Variants in RBM17 observed in about 807,000 individuals in gnomAD.
RBM17 encodes splicing factor 45.
Under a neutral mutation model 53.2 loss-of-function variants are expected in RBM17, and 7 were observed. The observed-to-expected ratio is 0.13, with a 90% confidence interval of 0.07 to 0.25. The LOEUF (loss-of-function observed/expected upper bound fraction) is 0.25, where lower values mean the gene tolerates loss of function less well. RBM17 is among the 10% of genes least tolerant of loss of function. The pLI, the probability that RBM17 is intolerant of heterozygous loss-of-function variation, is 1.00. For missense variants in RBM17, 257 were observed against 496.7 expected (o/e 0.52, Z 4.59); for synonymous variants, 167 against 178.1 (o/e 0.94, Z 0.50).
rs75319780 is a variant in RBM17 at position 6,107,076 on chromosome 10, C to T, written c.505+838C>T. On this transcript the variant is annotated intron_variant, in intron 5 of 11. Coordinates refer to ENST00000379888, the MANE Select transcript of RBM17 (RefSeq NM_032905.5). ...AAAGGAAATAGAAGAAGGTTTTACT[C>T]AGGTTCATATTTCTCCTTGAGGATT... is the stretch of plus-strand genomic sequence containing the variant. 3.5e-3 allele frequency among the ~76,000 whole-genome samples: 533 copies of T among 152,326 alleles called. 3 individuals are homozygous for T. Among genetic ancestry groups the T allele is most frequent in the Non-Finnish European group, 4.0e-3 (273 of 68,028 alleles).
chr10:6,097,208 A>G lies in RBM17; in HGVS notation c.123+20A>G. On this transcript the variant is annotated intron_variant, in intron 2 of 11. Coordinates refer to ENST00000379888, the MANE Select transcript of RBM17 (RefSeq NM_032905.5). ...GCAAAGGTAAAGACAAGCCCAGAGC[A>G]TGAGAGCAGAGGCCTCCAGAGTGGG... The G allele has an allele frequency of 6.2e-7, 1 of 1,612,630 alleles. No homozygotes were observed. The highest frequency in any genetic ancestry group is 8.5e-7 in the Non-Finnish European group (1 of 1,179,172).
At chr10:6,091,290 C>G (rs1840481180) in intron 1 of RBM17, among the ~76,000 whole-genome samples, 1 of 152,086 alleles carries the variant, frequency 6.6e-6, no homozygotes, top group Admixed American at 6.5e-5. Context: ...AACTCCTGAT[C>G]TCAAGTGATC....
chr10:6,113,579 AG>A lies in RBM17; in HGVS notation c.930+1del. The stretch of plus-strand genomic sequence containing the variant: ...GTGTCCTACTAAAGTGGTCTTACTA[AG>A]GGTAAGAAGCTGAGGAAAGCAAGCT... The part of the protein sequence containing the change: ...LKCPTKVVLL[R>X]NMVGAGEVDE... On this transcript the variant is annotated frameshift_variant and splice_region_variant, in exon 9 of 12. Transcript: ENST00000379888. LOFTEE classifies it high-confidence loss of function. The A allele has an allele frequency of 6.2e-7, 1 of 1,603,802 alleles. No individual in the cohort carries two copies. Among genetic ancestry groups the A allele is most frequent in the Non-Finnish European group, 8.5e-7 (1 of 1,170,814 alleles).
rs921515207 is a variant in RBM17 at position 6,089,125 on chromosome 10, C to T, written c.-87C>T. On this transcript the variant is annotated 5_prime_UTR_variant, in exon 1 of 12. Transcript: ENST00000379888. The surrounding 1 kb of genome is among the most constrained non-coding windows in gnomAD (Gnocchi z 5.6). ...AGGCCTCCTGCCGCTGGCGGGTTTC[C>T]GCGGAGTGCCGCCCGGCTCCGCTCT... 1.2e-5 allele frequency: 2 copies of T among 160,670 alleles called. No homozygotes were observed. The highest frequency in any genetic ancestry group is 6.2e-5 in the Admixed American group (1 of 16,168). The allele number at this position is 160,670 out of a possible 1,614,324, so 10.0% of individuals were successfully genotyped here. A position where few individuals can be genotyped will look rare whatever the true frequency, so the allele number is the denominator to read the frequency against.
At position 6,115,602 on chromosome 10, in the gene RBM17, A is replaced by G; in HGVS notation, c.*46A>G. 1 of 1,207,996 alleles carries G rather than the reference A, an allele frequency of 8.3e-7. No homozygotes were observed. The highest frequency in any genetic ancestry group is 1.2e-6 in the Non-Finnish European group (1 of 814,068). The allele number at this position is 1,207,996 out of a possible 1,614,324, so 74.8% of individuals were successfully genotyped here. ...GTCATCTCCGGTGATCCTTAAATGA[A>G]CTGCAGGCTGAGAAAAGAAGGAAAA... On this transcript the variant is annotated 3_prime_UTR_variant, in exon 12 of 12. Coordinates refer to ENST00000379888, the MANE Select transcript of RBM17 (RefSeq NM_032905.5).
intron 1 of RBM17, among the ~76,000 whole-genome samples, chr10:6,096,153 G>A (rs1840569541): frequency 6.6e-6 from 1 of 152,074 alleles, no homozygotes; most frequent in Non-Finnish European, 1.5e-5. Flanking sequence ...GAAGAAGTAA[G>A]CTATGTTGGT....
intron 10 of RBM17, 32 bp from the exon 11 acceptor site, chr10:6,115,207 C>T: frequency 6.4e-7 from 1 of 1,567,700 alleles, no homozygotes; most frequent in South Asian, 1.2e-5. Context: ...ATCTCAAATG[C>T]CTTTACTCAT....
rs936832841 is a variant in RBM17, at chr10:6,089,718, C to T, written c.-19+525C>T. Reference sequence around the variant, plus strand: ...TGCAGCCCTAACCCCGGCGTCGCCTCGGCTCGTGCAGTTTGAGCGGTGTTT... The same window carrying T: ...TGCAGCCCTAACCCCGGCGTCGCCTTGGCTCGTGCAGTTTGAGCGGTGTTT... On this transcript the variant is annotated intron_variant, in intron 1 of 11. Coordinates refer to ENST00000379888, the MANE Select transcript of RBM17 (RefSeq NM_032905.5). The surrounding 1 kb of genome is among the most constrained non-coding windows in gnomAD (Gnocchi z 5.6). The T allele has an allele frequency of 6.6e-6, 1 of 152,388 alleles. No homozygotes were observed. The highest frequency in any genetic ancestry group is 1.5e-5 in the Non-Finnish European group (1 of 68,106). The allele number at this position is 152,388 out of a possible 1,614,324, so 9.4% of individuals were successfully genotyped here.
intron 1 of RBM17, among the ~76,000 whole-genome samples, chr10:6,095,173 C>T (rs1840553846): frequency 6.6e-6 from 1 of 152,134 alleles, no homozygotes; most frequent in Admixed American, 6.5e-5. Flanking sequence ...AGACATCTAT[C>T]AGGAGGAGAG....
At chr10:6,114,233 T>A (rs1840881063) in intron 10 of RBM17, 86 bp downstream of exon 10, 2 of 747,792 alleles carry the variant, frequency 2.7e-6, no homozygotes, top group Non-Finnish European at 4.6e-6. Flanking sequence ...CAGGGTATGC[T>A]ATAAGTAACA....
chr10:6,108,870 G>GAGAATGCAGATC, intron 6 of RBM17, 128 bp downstream of exon 6: 8 of 49,912 alleles, frequency 1.6e-4, no homozygotes, highest in Non-Finnish European at 3.3e-4. Flanking sequence ...GCCTGGCTCT[G>GAGAATGCAGATC]TCACCTGAGG....
intron 2 of RBM17, among the ~76,000 whole-genome samples, chr10:6,099,253 A>G (rs1331064741): frequency 6.6e-6 from 1 of 150,804 alleles, no homozygotes; most frequent in African/African-American, 2.4e-5. Flanking sequence ...AACTTTTGAG[A>G]TTGCTATGTA....
chr10:6,092,034 C>G (rs1392466232), intron 1 of RBM17, among the ~76,000 whole-genome samples: 2 of 152,182 alleles, frequency 1.3e-5, no homozygotes, highest in African/African-American at 4.8e-5. Flanking sequence ...ATTCTTCCTT[C>G]TGGCAGAACC....
chr10:6,094,094 C>A (rs1395502651), intron 1 of RBM17, among the ~76,000 whole-genome samples: 2 of 151,860 alleles, frequency 1.3e-5, no homozygotes, highest in African/African-American at 4.8e-5. Flanking sequence ...CCCGCCTCAG[C>A]CTCCTGAGTA....
At chr10:6,103,929 T>C (rs1840706941) in intron 3 of RBM17, among the ~76,000 whole-genome samples, 1 of 152,166 alleles carries the variant, frequency 6.6e-6, no homozygotes, top group South Asian at 2.1e-4. Context: ...GACTGGGCGC[T>C]CAAGGACATG....
rs769388951 is a variant in RBM17 at position 6,108,648 on chromosome 10, G to A, written c.506-38G>A. 8 of 1,580,888 alleles carry A rather than the reference G, an allele frequency of 5.1e-6. No homozygotes were observed. The Admixed American group carries it at 8.4e-5, about 17-fold the overall frequency. On this transcript the variant is annotated intron_variant, in intron 5 of 11. Transcript: ENST00000379888. ...CATAGTCGTTTGGGAGTCTGGCATC[G>A]GAAACCTCCTTTAATGCTTGGATTT... is the stretch of plus-strand genomic sequence containing the variant.
intron 1 of RBM17, among the ~76,000 whole-genome samples, chr10:6,094,584 G>A (rs1406380415): frequency 2.0e-5 from 3 of 152,244 alleles, no homozygotes; most frequent in Admixed American, 6.5e-5. Context: ...ATTAAACTAA[G>A]TTAGATGAAA....
Position 6,093,164 on chromosome 10 carries a change from T to TG in RBM17, c.-18-3879dup, listed in dbSNP as rs368369343. Among the ~76,000 whole-genome samples, 448 of 152,340 alleles carry TG rather than the reference T, an allele frequency of 2.9e-3. 2 individuals carry two copies. Among genetic ancestry groups the TG allele is most frequent in the African/African-American group, 0.01 (430 of 41,570 alleles). On this transcript the variant is annotated intron_variant, in intron 1 of 11. Coordinates refer to ENST00000379888, the MANE Select transcript of RBM17 (RefSeq NM_032905.5). ...GGGTGAGGAGTGTTGCCTCCCTCTC[T>TG]GGGGGTTACTTCCTTCCCTTATTCC...
At chr10:6,109,845 A>G in intron 6 of RBM17, 141 bp from the exon 7 acceptor site, 1 of 610,520 alleles carries the variant, frequency 1.6e-6, no homozygotes. Context: ...TAAAGGCTGT[A>G]AAATTGATTT....
Sources: gnomAD v4.1 joint callset for allele counts (sites outside exome capture counted in the v4.1 genomes callset) on GRCh38, gnomAD v4.1.1 for gene constraint, Gnocchi (gnomAD v3.1) non-coding constraint, MANE v1.5 for transcripts, NCBI Gene and HGNC (gene_info 2026-07-23, HGNC 2026-07-21) for gene names.